Variants in TRIQK observed in about 807,000 individuals in gnomAD.
TRIQK encodes the protein triple QxxK/R motif containing.
In TRIQK, 10 loss-of-function variants were observed where a neutral mutation model predicts 10.8. The ratio of observed to expected loss-of-function variants is 0.92; its 90% CI spans 0.57 to 1.57. TRIQK has a LOEUF of 1.57. TRIQK is among the 40% of genes most tolerant of loss of function. The pLI is 0.00. For missense variants in TRIQK, 107 were observed against 97.7 expected (o/e 1.09, Z -0.40); for synonymous variants, 33 against 33.7 (o/e 0.98, Z 0.07).
intron 1 of TRIQK, among the ~76,000 whole-genome samples, chr8:92,992,879 C>T (rs1001611054): frequency 1.3e-5 from 2 of 152,142 alleles, no homozygotes; most frequent in Non-Finnish European, 2.9e-5. Context: ...AATGGTGACA[C>T]CAATGACAAA....
At chr8:92,978,965 A>C (rs1308582827) in intron 1 of TRIQK, among the ~76,000 whole-genome samples, 1 of 152,112 alleles carries the variant, frequency 6.6e-6, no homozygotes, top group Non-Finnish European at 1.5e-5. Context: ...TTATTGCATA[A>C]CACACCACCA....
At chr8:92,970,054 T>C (rs1425370657), upstream of TRIQK, among the ~76,000 whole-genome samples, 1 of 152,182 alleles carries the variant, frequency 6.6e-6, no homozygotes, top group Non-Finnish European at 1.5e-5. Context: ...TTTGGTTTTC[T>C]GTTCTTACAT....
At chr8:92,901,030 T>C (rs1313630964) in intron 3 of TRIQK, among the ~76,000 whole-genome samples, 1 of 152,146 alleles carries the variant, frequency 6.6e-6, no homozygotes, top group Non-Finnish European at 1.5e-5. Flanking sequence ...CTTGATTTTT[T>C]TTCAGACTCT....
chr8:93,003,694 G>A (rs1284664408), intron 1 of TRIQK, among the ~76,000 whole-genome samples: 2 of 152,068 alleles, frequency 1.3e-5, no homozygotes, highest in East Asian at 1.9e-4. Flanking sequence ...TTCCACCTAT[G>A]AGCCTGTAAA....
At chr8:92,917,563 C>A (rs887108382) in intron 2 of TRIQK, among the ~76,000 whole-genome samples, 1 of 151,864 alleles carries the variant, frequency 6.6e-6, no homozygotes. Context: ...ATGCTTATTA[C>A]CTTATATGCA....
chr8:92,942,404 T>A (rs1362308888), intron 2 of TRIQK, among the ~76,000 whole-genome samples: 3 of 152,044 alleles, frequency 2.0e-5, no homozygotes, highest in African/African-American at 7.2e-5. Flanking sequence ...CTCAACACAA[T>A]CAAGGCCATA....
intron 2 of TRIQK, among the ~76,000 whole-genome samples, chr8:92,935,657 C>A (rs1343229600): frequency 6.6e-6 from 1 of 151,084 alleles, no homozygotes; most frequent in African/African-American, 2.4e-5. Context: ...TCAACATAGA[C>A]AAAAACTGAG....
intron 3 of TRIQK, among the ~76,000 whole-genome samples, chr8:92,893,475 T>C (rs954859338): frequency 6.6e-6 from 1 of 151,922 alleles, no homozygotes; most frequent in African/African-American, 2.4e-5. Context: ...GGTCTGATGA[T>C]CTAGAAATGA....
At chr8:92,981,692 T>G (rs929899191) in intron 1 of TRIQK, among the ~76,000 whole-genome samples, 2 of 151,886 alleles carry the variant, frequency 1.3e-5, no homozygotes, top group Non-Finnish European at 2.9e-5. Context: ...CTATACTTTT[T>G]AACAATTTAC....
intron 1 of TRIQK, among the ~76,000 whole-genome samples, chr8:93,007,282 T>A (rs1813283868): frequency 6.6e-6 from 1 of 152,168 alleles, no homozygotes; most frequent in Non-Finnish European, 1.5e-5. Flanking sequence ...ACGGGCCCTA[T>A]GGAAGTGGAG....
At chr8:92,974,817 G>T (rs1812914893) in intron 1 of TRIQK, 4 of 152,294 alleles carry the variant, frequency 2.6e-5, no homozygotes, top group East Asian at 1.9e-4. Context: ...GGATGTGGAG[G>T]TTCCATGGAA....
intron 2 of TRIQK, among the ~76,000 whole-genome samples, chr8:92,925,376 G>A (rs1810397340): frequency 6.6e-6 from 1 of 151,826 alleles, no homozygotes; most frequent in Non-Finnish European, 1.5e-5. Context: ...TATCATAAAA[G>A]AGAAAAAAAG....
Position 92,985,916 on chromosome 8 carries a change from G to A in TRIQK, c.-180-31352C>T, listed in dbSNP as rs145644277. Among the ~76,000 whole-genome samples the A allele has an allele frequency of 1.2e-4, 19 of 152,234 alleles. No homozygotes were observed. In the East Asian group the frequency reaches 3.3e-3, roughly 26 times the overall value. ...ACTGCCAGAGTTCATAAACACTGAT[G>A]TATAAAGCCAAAGCATGAACTTAAT... On this transcript the variant is annotated intron_variant, in intron 1 of 4. Transcript: ENST00000520686.
upstream of TRIQK, among the ~76,000 whole-genome samples, chr8:92,970,102 G>T (rs761779008): frequency 6.6e-6 from 1 of 152,050 alleles, no homozygotes; most frequent in African/African-American, 2.4e-5. Context: ...CTCCATTCAC[G>T]TTCCTGCAAA....
chr8:92,946,173 T>C (rs188243160), intron 2 of TRIQK, among the ~76,000 whole-genome samples: 175 of 152,220 alleles, frequency 1.1e-3, no homozygotes, highest in Non-Finnish European at 1.9e-3. Flanking sequence ...TATCACAGCA[T>C]ACAAACAGAA....
intron 1 of TRIQK, among the ~76,000 whole-genome samples, chr8:92,959,480 TACACACACAC>T (rs34816958): frequency 8.8e-4 from 127 of 143,710 alleles, no homozygotes; most frequent in East Asian, 4.0e-3. Context: ...TATATATGCA[TACACACACAC>T]ACACACACAC....
At chr8:93,014,203 A>AT (rs1813361853) in intron 1 of TRIQK, among the ~76,000 whole-genome samples, 1 of 152,154 alleles carries the variant, frequency 6.6e-6, no homozygotes, top group African/African-American at 2.4e-5. Context: ...TTTCGAATAA[A>AT]CAATGTTACA....
At chr8:92,890,556 A>T (rs1042251701) in intron 4 of TRIQK, among the ~76,000 whole-genome samples, 1 of 151,782 alleles carries the variant, frequency 6.6e-6, no homozygotes. Flanking sequence ...ATTTCTTCAA[A>T]TTTAAAGACT....
chr8:92,969,674 A>G (rs924428369), upstream of TRIQK, among the ~76,000 whole-genome samples: 2 of 152,078 alleles, frequency 1.3e-5, no homozygotes, highest in Non-Finnish European at 2.9e-5. Flanking sequence ...CATATGCCAT[A>G]GTGATCCTTA....
Sources: allele counts gnomAD v4.1 joint callset (sites outside exome capture counted in the v4.1 genomes callset), GRCh38; gene constraint gnomAD v4.1.1; transcripts MANE v1.5; gene names NCBI Gene and HGNC (gene_info 2026-07-23, HGNC 2026-07-21).